The following SHLD2 variants were observed in gnomAD, a reference collection of about 807,000 sequenced individuals.
SHLD2 encodes the protein RINN1-REV7-interacting novel NHEJ regulator 2.
A neutral mutation model predicts 73.2 loss-of-function variants in SHLD2; 30 were observed. The ratio of observed to expected loss-of-function variants is 0.41; its 90% CI spans 0.31 to 0.56. SHLD2 has a LOEUF of 0.56. SHLD2 is among the 20% of genes least tolerant of loss of function. The probability of loss-of-function intolerance (pLI) is 0.28; values close to 1 mark genes in which losing one functional copy is unlikely to be tolerated. For missense variants in SHLD2, 745 were observed against 1,055.9 expected (o/e 0.71, Z 4.08); for synonymous variants, 285 against 370.1 (o/e 0.77, Z 2.64).
At chr10:87,137,336 A>G (rs1283329916) in intron 2 of SHLD2, among the ~76,000 whole-genome samples, 1 of 152,092 alleles carries the variant, frequency 6.6e-6, no homozygotes, top group East Asian at 1.9e-4. Context: ...AGAGGTGAAA[A>G]ATATACTAGC....
chr10:87,172,812 ATC>A (rs1385685053), intron 6 of SHLD2, among the ~76,000 whole-genome samples: 4 of 152,078 alleles, frequency 2.6e-5, no homozygotes, highest in African/African-American at 9.6e-5. Flanking sequence ...ATAAAAATGT[ATC>A]TATAAGTACA....
At chr10:87,176,508 T>C (rs1847961604) in intron 7 of SHLD2, among the ~76,000 whole-genome samples, 1 of 152,258 alleles carries the variant, frequency 6.6e-6, no homozygotes, top group Non-Finnish European at 1.5e-5. Context: ...TGTATAATTC[T>C]ATATAAAAGT....
chr10:87,170,442 C>T, intron 4 of SHLD2, 36 bp from the exon 5 acceptor site: 2 of 1,345,714 alleles, frequency 1.5e-6, no homozygotes, highest in Non-Finnish European at 2.0e-6. Context: ...ATAATGTTGC[C>T]ATCTTTTGTC....
intron 3 of SHLD2, among the ~76,000 whole-genome samples, chr10:87,154,589 C>T (rs1027418117): frequency 2.0e-5 from 3 of 151,868 alleles, no homozygotes; most frequent in African/African-American, 4.8e-5. Context: ...CCATGTTGGC[C>T]GGGCTGGTTT....
chr10:87,120,354 TCTC>T (rs1487639782), intron 2 of SHLD2, among the ~76,000 whole-genome samples: 8 of 151,828 alleles, frequency 5.3e-5, no homozygotes, highest in Non-Finnish European at 7.4e-5. Context: ...TTCATGCCAT[TCTC>T]CTGCCTCAGC....
chr10:87,176,217 G>C, intron 7 of SHLD2, 122 bp downstream of exon 7: 2 of 1,291,604 alleles, frequency 1.5e-6, no homozygotes, highest in Non-Finnish European at 2.2e-6. Flanking sequence ...CACCTCCCAG[G>C]TTTAAGTGAT....
At chr10:87,133,811 G>A (rs1283759079) in intron 2 of SHLD2, among the ~76,000 whole-genome samples, 1 of 152,220 alleles carries the variant, frequency 6.6e-6, no homozygotes, top group East Asian at 1.9e-4. Context: ...TTTATAATAT[G>A]CAACAATAAC....
Position 87,148,585 on chromosome 10 carries a change from T to G in SHLD2, c.-5-2765T>G, listed in dbSNP as rs528783018. Among the ~76,000 whole-genome samples the G allele has an allele frequency of 8.7e-4, 131 of 151,098 alleles. 5 individuals carry two copies. In the South Asian group the frequency reaches 0.027, roughly 31 times the overall value. ...GGGGGGCGGGGGTTGGTTTTATTTTTAAAGATTTGTAGCTGAGCGTGACAG... is the reference window on the plus strand; with the variant it reads ...GGGGGGCGGGGGTTGGTTTTATTTTGAAAGATTTGTAGCTGAGCGTGACAG... On this transcript the variant is annotated intron_variant, in intron 2 of 9. Transcript: ENST00000298786.
rs67364464 is a variant in SHLD2, at chr10:87,138,384, A to C, written c.-5-12966A>C. ...ATAAAGAGCTGAAAGAAAAAAAAAA[A>C]AACAACCTGTTAACCTAGATTTCTA... On this transcript the variant is annotated intron_variant, in intron 2 of 9. Transcript: ENST00000298786. 6.1e-4 allele frequency among the ~76,000 whole-genome samples: 93 copies of C among 151,524 alleles called. 1 individual carries two copies. Among genetic ancestry groups the C allele is most frequent in the South Asian group, 8.3e-4 (4 of 4,812 alleles).
chr10:87,123,102 G>A (rs1054827721), intron 2 of SHLD2, among the ~76,000 whole-genome samples: 2 of 152,026 alleles, frequency 1.3e-5, no homozygotes, highest in Non-Finnish European at 1.5e-5. Context: ...TAGTAGAGAC[G>A]GAGTTTCACC....
At chr10:87,125,594 G>A (rs1289336209) in intron 2 of SHLD2, among the ~76,000 whole-genome samples, 8 of 152,164 alleles carry the variant, frequency 5.3e-5, no homozygotes, top group East Asian at 1.9e-4. Flanking sequence ...AAAATGAGCC[G>A]GGCGTGGTGG....
intron 2 of SHLD2, among the ~76,000 whole-genome samples, chr10:87,108,729 A>G (rs1842755019): frequency 6.6e-6 from 1 of 152,244 alleles, no homozygotes; most frequent in South Asian, 2.1e-4. Flanking sequence ...TAACTAAATT[A>G]ATTACATGTT....
At chr10:87,145,362 T>C (rs1013383126) in intron 2 of SHLD2, among the ~76,000 whole-genome samples, 1 of 152,208 alleles carries the variant, frequency 6.6e-6, no homozygotes, top group African/African-American at 2.4e-5. Flanking sequence ...AGGGATAGTA[T>C]AATGAACCCC....
At chr10:87,119,439 G>T (rs986129260) in intron 2 of SHLD2, among the ~76,000 whole-genome samples, 1 of 151,714 alleles carries the variant, frequency 6.6e-6, no homozygotes, top group Non-Finnish European at 1.5e-5. Context: ...TTCCAAAGTG[G>T]TTTTCTCCAT....
chr10:87,170,473 C>A lies in SHLD2; in HGVS notation c.1634-5C>A. On this transcript the variant is annotated splice_region_variant and splice_polypyrimidine_tract_variant and intron_variant, in intron 4 of 9. Coordinates refer to ENST00000298786, the MANE Select transcript of SHLD2 (RefSeq NM_001330112.2). ...TTGTCTGTCTGTATGTTTTTTTTCC[C>A]TTAGATTCCAGTGTAGTTAGTGAAG... 6.5e-7 allele frequency: 1 copy of A among 1,543,922 alleles called. No individual in the cohort carries two copies. Among genetic ancestry groups the A allele is most frequent in the Non-Finnish European group, 8.7e-7 (1 of 1,149,358 alleles).
chr10:87,147,259 G>C (rs1199692528), intron 2 of SHLD2, among the ~76,000 whole-genome samples: 1 of 152,030 alleles, frequency 6.6e-6, no homozygotes, highest in East Asian at 1.9e-4. Flanking sequence ...GCTCAGTATA[G>C]ATATGTAAAG....
Position 87,152,168 on chromosome 10 carries a change from A to G in SHLD2, c.814A>G (p.Met272Val), listed in dbSNP as rs150029582. The change falls in exon 3 of 10, where the codon ATG becomes GTG. Residue 272 changes from methionine (M) to valine (V), a missense_variant. By Grantham distance (21) the Met-to-Val change is conservative. Transcript: ENST00000298786. ...RSPVNKGNVN[M>V]ETEPKASYGE... Reference sequence around the variant, plus strand: ...TCCTGTAAATAAAGGGAATGTAAACATGGAGACTGAACCAAAGGCAAGTTA... The same window carrying G: ...TCCTGTAAATAAAGGGAATGTAAACGTGGAGACTGAACCAAAGGCAAGTTA... 2.5e-3 allele frequency: 4,066 copies of G among 1,608,494 alleles called. 95 individuals carry two copies. The African/African-American group carries it at 0.048, about 19-fold the overall frequency.
At chr10:87,101,824 G>A (rs542181589) in intron 2 of SHLD2, among the ~76,000 whole-genome samples, 11 of 152,288 alleles carry the variant, frequency 7.2e-5, no homozygotes, top group Non-Finnish European at 1.5e-4. Context: ...TGAGGTACGA[G>A]AATTACCTGA....
intron 2 of SHLD2, among the ~76,000 whole-genome samples, chr10:87,125,435 C>T (rs556077126): frequency 5.1e-4 from 77 of 152,204 alleles, no homozygotes; most frequent in African/African-American, 1.8e-3. Flanking sequence ...GTAATTTTAA[C>T]TTATAATTCT....
Sources: gnomAD v4.1 joint callset for allele counts (sites outside exome capture counted in the v4.1 genomes callset) on GRCh38, gnomAD v4.1.1 for gene constraint, MANE v1.5 for transcripts, NCBI Gene and HGNC (gene_info 2026-07-23, HGNC 2026-07-21) for gene names.